The following KIR3DL2 variants were observed in gnomAD, a reference collection of about 807,000 sequenced individuals.
The protein encoded by KIR3DL2 is killer cell immunoglobulin like receptor, three Ig domains and long cytoplasmic tail 2, also known as killer cell immunoglobulin-like receptor 3DL2.
A neutral mutation model predicts 41.6 loss-of-function variants in KIR3DL2; 42 were observed. That is an observed-to-expected ratio of 1.01 (90% CI 0.79 to 1.31). The LOEUF (loss-of-function observed/expected upper bound fraction) is 1.31, where lower values mean the gene tolerates loss of function less well. KIR3DL2 is among the 50% of genes most tolerant of loss of function. The pLI, the probability that KIR3DL2 is intolerant of heterozygous loss-of-function variation, is 0.00. For missense variants in KIR3DL2, 728 were observed against 576.8 expected, an observed-to-expected ratio of 1.26 and a Z score of -2.68; for synonymous variants, 230 against 221.3, an observed-to-expected ratio of 1.04 and a Z score of -0.35.
Position 54,855,932 on chromosome 19 carries a change from G to C in KIR3DL2, c.949+20G>C. ...TCACAGGTGAGGAAAACCCGTGTCT[G>C]TCCCATGTCTTATGATCCTAGAGCC... On this transcript the variant is annotated intron_variant, in intron 5 of 8. Transcript: ENST00000326321. 1.2e-6 allele frequency: 2 copies of C among 1,612,720 alleles called. No individual in the cohort carries two copies. The highest frequency in any genetic ancestry group is 1.1e-5 in the South Asian group (1 of 91,058).
At chr19:54,854,102 A>G in intron 4 of KIR3DL2, 56 bp downstream of exon 4, 2 of 1,597,000 alleles carry the variant, frequency 1.3e-6, no homozygotes, top group Non-Finnish European at 1.7e-6. Flanking sequence ...TGAATGATCC[A>G]GGACTTGGAA....
chr19:54,856,847 A>G (rs2145634719), intron 5 of KIR3DL2, among the ~76,000 whole-genome samples: 1 of 152,182 alleles, frequency 6.6e-6, no homozygotes, highest in South Asian at 2.1e-4. Context: ...AGTTCCATCC[A>G]TGTGGCTGCA....
intron 3 of KIR3DL2, 76 bp downstream of exon 3, chr19:54,852,358 G>A: frequency 6.4e-7 from 1 of 1,567,090 alleles, no homozygotes; most frequent in South Asian, 1.1e-5. Flanking sequence ...GTGTCCATCA[G>A]GGTCCCATCA....
chr19:54,852,424 G>C (rs1374441612), intron 3 of KIR3DL2, 142 bp downstream of exon 3: 2 of 1,055,500 alleles, frequency 1.9e-6, no homozygotes, highest in Non-Finnish European at 2.7e-6. Flanking sequence ...GGAAATGGGT[G>C]CTGTGGTGGG....
chr19:54,859,510 G>A (rs1407703828), intron 6 of KIR3DL2, among the ~76,000 whole-genome samples: 1 of 152,078 alleles, frequency 6.6e-6, no homozygotes, highest in East Asian at 1.9e-4. Context: ...CACTTGCCAA[G>A]GAATGAATTA....
intron 2 of KIR3DL2, among the ~76,000 whole-genome samples, chr19:54,851,684 T>A (rs1037287357): frequency 2.0e-5 from 3 of 151,762 alleles, no homozygotes; most frequent in African/African-American, 7.3e-5. Flanking sequence ...GGGGCTCAGT[T>A]CATGAATTGG....
At chr19:54,860,552 T>C (rs1398467908) in intron 6 of KIR3DL2, among the ~76,000 whole-genome samples, 1 of 151,994 alleles carries the variant, frequency 6.6e-6, no homozygotes, top group Non-Finnish European at 1.5e-5. Flanking sequence ...TTTGCATATT[T>C]TCTGTAGAGA....
chr19:54,856,187 G>A (rs1378306149), intron 5 of KIR3DL2, among the ~76,000 whole-genome samples: 2 of 151,488 alleles, frequency 1.3e-5, no homozygotes, highest in African/African-American at 4.9e-5. Flanking sequence ...TCAGTTTGGG[G>A]AGATCAGAGG....
chr19:54,853,431 A>G (rs1200082677), intron 3 of KIR3DL2, among the ~76,000 whole-genome samples: 3 of 151,806 alleles, frequency 2.0e-5, no homozygotes, highest in Non-Finnish European at 2.9e-5. Flanking sequence ...GAGCCTGGAC[A>G]TGCAGCCTGT....
Position 54,857,310 on chromosome 19 carries a change from C to G in KIR3DL2, c.949+1398C>G, listed in dbSNP as rs2064861431. Among the ~76,000 whole-genome samples the G allele has an allele frequency of 2.0e-5, 3 of 151,518 alleles. 1 individual carries two copies. Among genetic ancestry groups the G allele is most frequent in the African/African-American group, 7.3e-5 (3 of 40,964 alleles). ...ATCCCAATTTTGGGCAGGCTGCTCTCAAACTCCTGACCTCAAGTGAGGTGC... is the reference window on the plus strand; with the variant it reads ...ATCCCAATTTTGGGCAGGCTGCTCTGAAACTCCTGACCTCAAGTGAGGTGC... On this transcript the variant is annotated intron_variant, in intron 5 of 8. Transcript: ENST00000326321.
intron 6 of KIR3DL2, among the ~76,000 whole-genome samples, chr19:54,862,824 T>G (rs1017627941): frequency 5.8e-5 from 7 of 119,780 alleles, no homozygotes; most frequent in African/African-American, 1.5e-4. Context: ...TTTTTTTTTT[T>G]GTATAGTGCT....
intron 5 of KIR3DL2, among the ~76,000 whole-genome samples, chr19:54,856,428 C>A (rs1202730034): frequency 2.6e-5 from 4 of 151,862 alleles, no homozygotes; most frequent in South Asian, 4.1e-4. Flanking sequence ...CGGTTGTAAT[C>A]TTGGCGCTTT....
At chr19:54,852,589 C>T in intron 3 of KIR3DL2, among the ~76,000 whole-genome samples, 1 of 151,640 alleles carries the variant, frequency 6.6e-6, no homozygotes, top group Non-Finnish European at 1.5e-5. Flanking sequence ...CTGCTGGGCT[C>T]AGTGTAATCA....
In KIR3DL2 at chr19:54,852,103, T is replaced by C. The variant is rs774435549; in HGVS notation, c.176T>C (p.Met59Thr). The change falls in exon 3 of 9, where the codon ATG becomes ACG. Residue 59 changes from methionine to threonine, a missense_variant. Transcript: ENST00000326321. ...TATCGTCGTGGGTTTAACAATTTCA[T>C]GCTGTACAAAGAAGACAGAAGCCAC... ...CHYRRGFNNF[M>T]LYKEDRSHVP... is the part of the protein sequence containing the mutation. 4.3e-6 allele frequency: 7 copies of C among 1,612,930 alleles called. 1 individual carries two copies. The East Asian group carries it at 1.1e-4, about 26-fold the overall frequency.
chr19:54,851,973 A>C, intron 2 of KIR3DL2, 25 bp from the exon 3 acceptor site: 1 of 1,604,440 alleles, frequency 6.2e-7, no homozygotes, highest in South Asian at 1.1e-5. Context: ...CCTCCTCTCT[A>C]AGGCAGTGCC....
At chr19:54,862,617 G>A (rs909541316) in intron 6 of KIR3DL2, among the ~76,000 whole-genome samples, 1 of 151,932 alleles carries the variant, frequency 6.6e-6, no homozygotes, top group Non-Finnish European at 1.5e-5. Flanking sequence ...CCAGAAAATA[G>A]CCCAGCCTGG....
rs375698059 is a variant in KIR3DL2 at position 54,858,439 on chromosome 19, A to T, written c.950-640A>T. Among the ~76,000 whole-genome samples, 7 of 148,890 alleles carry T rather than the reference A, an allele frequency of 4.7e-5. No individual in the cohort carries two copies. In the East Asian group the frequency reaches 1.4e-3, roughly 29 times the overall value. On this transcript the variant is annotated intron_variant, in intron 5 of 8. Coordinates refer to ENST00000326321, the MANE Select transcript of KIR3DL2 (RefSeq NM_006737.4). Reference sequence around the variant, plus strand: ...GTTCTCGGCACCTTTGTCAAAGTCCATTAAATGGGCTGGGTATGGTGGCTC... The same window carrying T: ...GTTCTCGGCACCTTTGTCAAAGTCCTTTAAATGGGCTGGGTATGGTGGCTC...
intron 3 of KIR3DL2, 122 bp downstream of exon 3, chr19:54,852,404 T>G: frequency 7.7e-7 from 1 of 1,304,016 alleles, no homozygotes; most frequent in Non-Finnish European, 1.1e-6. Flanking sequence ...CAAGGGAGAT[T>G]GAATACAGGG....
In KIR3DL2 at chr19:54,866,509, T is replaced by G; in HGVS notation, c.1159-13T>G. On this transcript the variant is annotated splice_polypyrimidine_tract_variant and intron_variant, in intron 8 of 8. Transcript: ENST00000326321. Reference sequence around the variant, plus strand: ...TGAGCACCCTCCCTCACTCAGCATTTCCCTCTCTCCAGGACTCTGATGAAC... The same window carrying G: ...TGAGCACCCTCCCTCACTCAGCATTGCCCTCTCTCCAGGACTCTGATGAAC... 6.2e-7 allele frequency: 1 copy of G among 1,613,914 alleles called. No homozygotes were observed.
Sources: gnomAD v4.1 joint callset for allele counts (sites outside exome capture counted in the v4.1 genomes callset) on GRCh38, gnomAD v4.1.1 for gene constraint, MANE v1.5 for transcripts, NCBI Gene and HGNC (gene_info 2026-07-23, HGNC 2026-07-21) for gene names.